Variants in CDK14 observed in about 807,000 individuals in gnomAD.
CDK14 encodes cyclin dependent kinase 14.
CDK14 carries 34 observed loss-of-function variants against 60.7 expected under a neutral mutation model. The ratio of observed to expected loss-of-function variants is 0.56; its 90% CI spans 0.43 to 0.75. The LOEUF is 0.75. Among genes scored for constraint, CDK14 ranks in the 30% least tolerant of loss-of-function variants. The pLI is 0.00. For missense variants in CDK14, 482 were observed against 564.1 expected, an observed-to-expected ratio of 0.85 and a Z score of 1.47; for synonymous variants, 197 against 203.7, an observed-to-expected ratio of 0.97 and a Z score of 0.28.
chr7:90,780,052 GTTAT>G (rs1246758103), intron 4 of CDK14, among the ~76,000 whole-genome samples: 1 of 152,150 alleles, frequency 6.6e-6, no homozygotes, highest in Non-Finnish European at 1.5e-5. Context: ...TCCTAATGGT[GTTAT>G]TTAACTTGTT....
intron 11 of CDK14, among the ~76,000 whole-genome samples, chr7:91,069,839 C>G (rs1798085735): frequency 6.6e-6 from 1 of 152,176 alleles, no homozygotes; most frequent in African/African-American, 2.4e-5. Flanking sequence ...CTCTGTCACT[C>G]AGGCTGGAGT....
intron 4 of CDK14, among the ~76,000 whole-genome samples, chr7:90,750,469 T>G (rs537046165): frequency 3.1e-4 from 47 of 152,224 alleles, no homozygotes; most frequent in African/African-American, 8.4e-4. Context: ...TGATTCAAAA[T>G]CTACACAAAG....
At chr7:91,073,444 G>C (rs1798211771) in intron 11 of CDK14, among the ~76,000 whole-genome samples, 1 of 152,070 alleles carries the variant, frequency 6.6e-6, no homozygotes, top group Non-Finnish European at 1.5e-5. Context: ...TTTCAGACAA[G>C]CAAATGCTGA....
rs544600230 is a variant in CDK14 at position 90,751,392 on chromosome 7, G to A, written c.464+3617G>A. ...TTTCACCATTCTTAAAATAAATCTC[G>A]GCCAAGAATTTCATATCCCACCAAG... On this transcript the variant is annotated intron_variant, in intron 4 of 14. Coordinates refer to ENST00000380050, the MANE Select transcript of CDK14 (RefSeq NM_001287135.2). 1.7e-3 allele frequency among the ~76,000 whole-genome samples: 256 copies of A among 151,984 alleles called. 5 individuals carry two copies. The highest frequency in any genetic ancestry group is 2.5e-4 in the Non-Finnish European group (17 of 67,960).
At chr7:90,690,604 A>G (rs1801533381) in intron 2 of CDK14, among the ~76,000 whole-genome samples, 1 of 152,180 alleles carries the variant, frequency 6.6e-6, no homozygotes. Flanking sequence ...CTTTAGAAGC[A>G]CGAAAGATTG....
intron 2 of CDK14, among the ~76,000 whole-genome samples, chr7:90,626,772 T>C (rs1005110018): frequency 6.6e-6 from 1 of 152,046 alleles, no homozygotes; most frequent in Non-Finnish European, 1.5e-5. Flanking sequence ...AAACCTCATC[T>C]CTACAAAAAA....
chr7:90,659,375 G>T (rs1289876058), intron 2 of CDK14, among the ~76,000 whole-genome samples: 2 of 152,126 alleles, frequency 1.3e-5, no homozygotes, highest in Admixed American at 6.5e-5. Context: ...GACCCCAAAG[G>T]GTTAGATTAT....
chr7:90,720,983 T>G (rs2116687212), intron 2 of CDK14, among the ~76,000 whole-genome samples: 1 of 152,316 alleles, frequency 6.6e-6, no homozygotes, highest in South Asian at 2.1e-4. Flanking sequence ...AAATTTCATA[T>G]GTATTATTAA....
At chr7:91,132,162 A>C (rs1286967424) in intron 14 of CDK14, among the ~76,000 whole-genome samples, 1 of 152,176 alleles carries the variant, frequency 6.6e-6, no homozygotes, top group Non-Finnish European at 1.5e-5. Context: ...ACTTTGCATG[A>C]AGCTATATGG....
chr7:90,734,323 G>A (rs1479622253), intron 3 of CDK14, among the ~76,000 whole-genome samples: 2 of 152,074 alleles, frequency 1.3e-5, no homozygotes, highest in African/African-American at 4.8e-5. Flanking sequence ...CTTTGTGGTG[G>A]TCTCTGTATT....
rs190132519 is a variant in CDK14 at position 91,120,789 on chromosome 7, G to A, written c.*28+2581G>A. On this transcript the variant is annotated intron_variant, in intron 14 of 14. Transcript: ENST00000380050. ...TGACCTCAGTTGATCCACCCACCTT[G>A]GCCTCCCAAAGTGCTAGGATTACAG... Among the ~76,000 whole-genome samples the A allele has an allele frequency of 5.3e-5, 8 of 152,158 alleles. No individual in the cohort carries two copies. The East Asian group carries it at 1.5e-3, about 29-fold the overall frequency.
intron 14 of CDK14, among the ~76,000 whole-genome samples, chr7:91,165,117 C>T (rs941457282): frequency 4.6e-5 from 7 of 152,182 alleles, no homozygotes; most frequent in African/African-American, 1.7e-4. Flanking sequence ...ACAACAAAAA[C>T]CCACGCTCTA....
At chr7:91,156,001 T>C (rs1316470378) in intron 14 of CDK14, among the ~76,000 whole-genome samples, 1 of 152,208 alleles carries the variant, frequency 6.6e-6, no homozygotes, top group Non-Finnish European at 1.5e-5. Flanking sequence ...TTAAAATCAT[T>C]TTTAATTTCA....
intron 14 of CDK14, among the ~76,000 whole-genome samples, chr7:91,200,808 G>A (rs1802692162): frequency 6.6e-6 from 1 of 152,072 alleles, no homozygotes; most frequent in South Asian, 2.1e-4. Context: ...TTAAGAATAG[G>A]CTAAATGTGA....
At chr7:91,104,779 G>T (rs1008862239) in intron 12 of CDK14, among the ~76,000 whole-genome samples, 1 of 152,140 alleles carries the variant, frequency 6.6e-6, no homozygotes, top group African/African-American at 2.4e-5. Context: ...ATGTCAGCCT[G>T]AATCAACTTC....
rs543226103 is a variant in CDK14, at chr7:90,644,276, G to A, written c.123+40027G>A. Among the ~76,000 whole-genome samples, 14 of 152,306 alleles carry A rather than the reference G, an allele frequency of 9.2e-5. No homozygotes were observed. The East Asian group carries it at 2.7e-3, about 29-fold the overall frequency. The stretch of plus-strand genomic sequence containing the variant: ...ATGGTATTTTATTATTGCAGCCTGA[G>A]CAGACGAAAACAGTCATAATGATAA... On this transcript the variant is annotated intron_variant, in intron 2 of 14. Coordinates refer to ENST00000380050, the MANE Select transcript of CDK14 (RefSeq NM_001287135.2).
At chr7:90,728,957 A>G (rs1802743838) in intron 3 of CDK14, among the ~76,000 whole-genome samples, 1 of 152,008 alleles carries the variant, frequency 6.6e-6, no homozygotes, top group Non-Finnish European at 1.5e-5. Flanking sequence ...TTTAGGACAT[A>G]TAAACCTAGC....
intron 8 of CDK14, among the ~76,000 whole-genome samples, chr7:90,946,075 G>T (rs1480706552): frequency 6.6e-6 from 1 of 152,112 alleles, no homozygotes; most frequent in Admixed American, 6.5e-5. Context: ...CAGTGGAGTG[G>T]AGGCAGAATG....
At chr7:90,964,725 C>G (rs1794704793) in intron 9 of CDK14, among the ~76,000 whole-genome samples, 1 of 152,140 alleles carries the variant, frequency 6.6e-6, no homozygotes, top group Non-Finnish European at 1.5e-5. Flanking sequence ...ACACTATCTA[C>G]TAAGTAGGTA....
Sources: gnomAD v4.1 joint callset for allele counts (sites outside exome capture counted in the v4.1 genomes callset) on GRCh38, gnomAD v4.1.1 for gene constraint, MANE v1.5 for transcripts, NCBI Gene and HGNC (gene_info 2026-07-23, HGNC 2026-07-21) for gene names.